The following ARFGEF1 variants were observed in gnomAD, a reference collection of about 807,000 sequenced individuals.
ARFGEF1 encodes the protein brefeldin A-inhibited guanine nucleotide-exchange protein 1.
A neutral mutation model predicts 231.0 loss-of-function variants in ARFGEF1; 42 were observed. That is an observed-to-expected ratio of 0.18 (90% CI 0.14 to 0.24). The LOEUF is 0.24. Ranked by LOEUF, ARFGEF1 falls within the 10% of genes least tolerant of loss-of-function variation. The pLI is 1.00. For missense variants in ARFGEF1, 1,345 were observed against 2,192.0 expected (o/e 0.61, Z 7.72); for synonymous variants, 710 against 732.3 (o/e 0.97, Z 0.49).
intron 1 of ARFGEF1, among the ~76,000 whole-genome samples, chr8:67,325,238 T>TA (rs1807782235): frequency 6.6e-6 from 1 of 151,424 alleles, no homozygotes; most frequent in Admixed American, 6.6e-5. Flanking sequence ...TTTTTTTTTT[T>TA]AACAGAAAAT....
intron 19 of ARFGEF1, among the ~76,000 whole-genome samples, chr8:67,244,289 C>T (rs1414943691): frequency 1.6e-5 from 2 of 128,674 alleles, no homozygotes; most frequent in African/African-American, 2.8e-5. Flanking sequence ...CTGAGTCTCT[C>T]GTCTCTCTCT....
intron 20 of ARFGEF1, 98 bp from the exon 21 acceptor site, chr8:67,238,991 G>A: frequency 1.6e-6 from 1 of 620,170 alleles, no homozygotes; most frequent in Non-Finnish European, 2.3e-6. Context: ...GTAAGATTTT[G>A]TTTTTTTTTT....
chr8:67,269,350 CTTTTTTT>C (rs796473421), intron 10 of ARFGEF1, among the ~76,000 whole-genome samples: 1 of 128,876 alleles, frequency 7.8e-6, no homozygotes, highest in Non-Finnish European at 1.7e-5. Flanking sequence ...CCACGTTCAG[CTTTTTTT>C]TTTTTTTTTT....
chr8:67,270,714 T>TA (rs11349768), intron 10 of ARFGEF1, among the ~76,000 whole-genome samples: 237 of 127,588 alleles, frequency 1.9e-3, no homozygotes, highest in South Asian at 7.6e-3. Context: ...TGGTACACCT[T>TA]AAAAAAAAAA....
At chr8:67,338,276 T>C (rs1358363323) in intron 1 of ARFGEF1, among the ~76,000 whole-genome samples, 1 of 152,080 alleles carries the variant, frequency 6.6e-6, no homozygotes, top group Non-Finnish European at 1.5e-5. Context: ...GTTTGTGCAC[T>C]GATTTCCCCA....
intron 7 of ARFGEF1, 103 bp from the exon 8 acceptor site, chr8:67,277,560 G>T (rs1805364685): frequency 1.8e-6 from 2 of 1,084,010 alleles, no homozygotes; most frequent in Non-Finnish European, 2.6e-6. Flanking sequence ...GGAAAGCAAT[G>T]TGAAGTAAAA....
intron 1 of ARFGEF1, among the ~76,000 whole-genome samples, chr8:67,340,885 A>T (rs917085717): frequency 3.3e-5 from 5 of 152,206 alleles, no homozygotes; most frequent in Non-Finnish European, 1.5e-5. Flanking sequence ...CATATCAAGT[A>T]ATCCCGACCT....
intron 36 of ARFGEF1, 72 bp from the exon 37 acceptor site, chr8:67,201,677 A>G (rs1315497852): frequency 6.3e-6 from 10 of 1,587,066 alleles, no homozygotes; most frequent in African/African-American, 1.4e-5. Flanking sequence ...GCCCGTATGG[A>G]GGCACATTTT....
chr8:67,292,446 TAAG>T (rs1009714100), intron 5 of ARFGEF1, among the ~76,000 whole-genome samples: 3 of 152,026 alleles, frequency 2.0e-5, no homozygotes, highest in Non-Finnish European at 4.4e-5. Flanking sequence ...TAAAAATACA[TAAG>T]AAGCTAGTAC....
chr8:67,254,152 T>C (rs1344540844), intron 17 of ARFGEF1, among the ~76,000 whole-genome samples: 4 of 152,206 alleles, frequency 2.6e-5, no homozygotes, highest in South Asian at 2.1e-4. Flanking sequence ...AAAGTATCCT[T>C]GGAATGTTTT....
intron 9 of ARFGEF1, among the ~76,000 whole-genome samples, chr8:67,272,463 G>A (rs1160128147): frequency 6.6e-6 from 1 of 151,678 alleles, no homozygotes; most frequent in Admixed American, 6.6e-5. Flanking sequence ...ACCGCGCCTG[G>A]CCCACAAACT....
chr8:67,275,763 T>C (rs1359650156), intron 9 of ARFGEF1, among the ~76,000 whole-genome samples: 2 of 152,140 alleles, frequency 1.3e-5, no homozygotes, highest in African/African-American at 4.8e-5. Flanking sequence ...ATAAGTCACA[T>C]ACCCTTTAGG....
At chr8:67,340,929 G>C (rs1053875596) in intron 1 of ARFGEF1, among the ~76,000 whole-genome samples, 1 of 152,192 alleles carries the variant, frequency 6.6e-6, no homozygotes. Context: ...GAGCGCTATA[G>C]GCCCTCTAAA....
chr8:67,259,383 C>T (rs113682462), intron 15 of ARFGEF1, among the ~76,000 whole-genome samples: 3,800 of 152,156 alleles, frequency 0.025, 107 homozygotes, highest in South Asian at 0.047. Flanking sequence ...CCCACCACCA[C>T]GCCCAGCTAA....
At chr8:67,178,795 G>C (rs1249519750) in intron 5 of ARFGEF1, among the ~76,000 whole-genome samples, 2 of 152,218 alleles carry the variant, frequency 1.3e-5, no homozygotes, top group South Asian at 2.1e-4. Flanking sequence ...ACATGGGGCA[G>C]GGGGTGACGA....
intron 29 of ARFGEF1, among the ~76,000 whole-genome samples, chr8:67,219,909 A>C (rs1839089913): frequency 1.3e-5 from 2 of 152,260 alleles, no homozygotes; most frequent in South Asian, 4.1e-4. Context: ...GTAGCCAAAA[A>C]AGAAAATACA....
intron 5 of ARFGEF1, among the ~76,000 whole-genome samples, chr8:67,186,420 A>T (rs1489302056): frequency 1.7e-4 from 4 of 24,112 alleles, no homozygotes; most frequent in African/African-American, 1.8e-3. Flanking sequence ...TTTTAAATTA[A>T]AAAAAAAAAA....
chr8:67,182,188 A>C (rs1417841669), intron 5 of ARFGEF1, among the ~76,000 whole-genome samples: 1 of 152,104 alleles, frequency 6.6e-6, no homozygotes, highest in Non-Finnish European at 1.5e-5. Context: ...TTTTTTGTAG[A>C]GACAGGGTTT....
intron 35 of ARFGEF1, among the ~76,000 whole-genome samples, chr8:67,204,047 C>T (rs948422728): frequency 2.6e-5 from 4 of 152,198 alleles, no homozygotes; most frequent in African/African-American, 7.2e-5. Flanking sequence ...CCAGTGAACA[C>T]GCTGCCATAT....
Sources: gnomAD v4.1 joint callset for allele counts (sites outside exome capture counted in the v4.1 genomes callset) on GRCh38, gnomAD v4.1.1 for gene constraint, MANE v1.5 for transcripts, NCBI Gene and HGNC (gene_info 2026-07-23, HGNC 2026-07-21) for gene names.